CIT: variants seen among roughly 807,000 people sequenced by gnomAD.
CIT encodes citron Rho-interacting kinase.
CIT carries 79 observed loss-of-function variants against 272.7 expected under a neutral mutation model. That is an observed-to-expected ratio of 0.29 (90% CI 0.24 to 0.35). CIT has a LOEUF of 0.35. CIT is among the 10% of genes least tolerant of loss of function. The pLI is 1.00. For synonymous variants in CIT, 948 were observed against 995.6 expected (o/e 0.95, Z 0.90); for missense variants, 1,909 against 2,618.3 (o/e 0.73, Z 5.91).
At chr12:119,693,932 G>C (rs890099503) in intron 46 of CIT, among the ~76,000 whole-genome samples, 13 of 152,180 alleles carry the variant, frequency 8.5e-5, no homozygotes, top group Non-Finnish European at 1.9e-4. Context: ...TAGACATTAT[G>C]TCGGGCACAT....
chr12:119,788,487 A>G (rs1965005570), intron 10 of CIT, among the ~76,000 whole-genome samples: 1 of 152,202 alleles, frequency 6.6e-6, no homozygotes, highest in South Asian at 2.1e-4. Context: ...CACAGGTCAC[A>G]GCTCCTTGTG....
At chr12:119,829,251 T>A (rs1968411981) in intron 7 of CIT, among the ~76,000 whole-genome samples, 1 of 151,876 alleles carries the variant, frequency 6.6e-6, no homozygotes, top group South Asian at 2.1e-4. Context: ...GGCAGGAGAA[T>A]CTCTTGAACC....
At chr12:119,831,620 A>G (rs1387772784) in intron 7 of CIT, among the ~76,000 whole-genome samples, 1 of 152,250 alleles carries the variant, frequency 6.6e-6, no homozygotes, top group Non-Finnish European at 1.5e-5. Context: ...CTGTAATCCC[A>G]GCACTTTGGG....
chr12:119,750,748 TATAGATAGATAG>T (rs6144898), intron 23 of CIT, among the ~76,000 whole-genome samples: 7,823 of 147,934 alleles, frequency 0.053, 268 homozygotes, highest in Non-Finnish European at 0.069. Context: ...TATATATAGA[TATAGATAGATAG>T]ATAGATAGAT....
chr12:119,753,727 A>T (rs1960563115), intron 22 of CIT, among the ~76,000 whole-genome samples: 1 of 147,904 alleles, frequency 6.8e-6, no homozygotes, highest in Non-Finnish European at 1.5e-5. Context: ...ACAGAGCGAG[A>T]CTCTGCCTCA....
At chr12:119,841,710 A>G (rs1209794642) in intron 5 of CIT, among the ~76,000 whole-genome samples, 1 of 152,148 alleles carries the variant, frequency 6.6e-6, no homozygotes, top group African/African-American at 2.4e-5. Flanking sequence ...GAATTTGCTT[A>G]CTCTGAATTT....
intron 22 of CIT, among the ~76,000 whole-genome samples, chr12:119,755,516 C>G (rs915614658): frequency 6.6e-6 from 1 of 152,198 alleles, no homozygotes; most frequent in African/African-American, 2.4e-5. Flanking sequence ...ATTTGAGCAA[C>G]TATTTTACAT....
chr12:119,872,455 T>G lies in CIT; in HGVS notation c.97-3254A>C, dbSNP rs907702329. On this transcript the variant is annotated intron_variant, in intron 2 of 47. Coordinates refer to ENST00000392521, the MANE Select transcript of CIT (RefSeq NM_001206999.2). ...TCAACCTCATTCAAACAGCACTATA[T>G]GGGAAAAGAACAAACAGCATCCTTA... Among the ~76,000 whole-genome samples, 20 of 152,210 alleles carry G rather than the reference T, an allele frequency of 1.3e-4. No individual in the cohort carries two copies. The East Asian group carries it at 3.7e-3, about 28-fold the overall frequency.
Position 119,688,070 on chromosome 12 carries a change from C to T in CIT, c.*162G>A, listed in dbSNP as rs1184637528. 1.2e-5 allele frequency: 9 copies of T among 725,622 alleles called. No individual in the cohort carries two copies. Among genetic ancestry groups the T allele is most frequent in the Non-Finnish European group, 2.2e-5 (9 of 415,832 alleles). The allele number at this position is 725,622 out of a possible 1,614,324, so 44.9% of individuals were successfully genotyped here. A position where few individuals can be genotyped will look rare whatever the true frequency, so the allele number is the denominator to read the frequency against. ...CTCCGAAGAGCCTCAGCCACCTGCC[C>T]CTCCTGGAGACAGGGGTGTCCGTGC... On this transcript the variant is annotated 3_prime_UTR_variant, in exon 48 of 48. Transcript: ENST00000392521.
chr12:119,782,246 C>G (rs918480280), intron 13 of CIT: 7 of 239,408 alleles, frequency 2.9e-5, no homozygotes, highest in Non-Finnish European at 4.8e-5. Context: ...TGAAGTCTGC[C>G]CACTCTTGCT....
chr12:119,752,439 G>T (rs1171629993), intron 22 of CIT, among the ~76,000 whole-genome samples, 192 bp from the exon 23 acceptor site: 1 of 152,140 alleles, frequency 6.6e-6, no homozygotes, highest in Non-Finnish European at 1.5e-5. Flanking sequence ...AATTCAACAG[G>T]AGTAAGAACA....
intron 4 of CIT, among the ~76,000 whole-genome samples, chr12:119,854,027 A>AT (rs1432169581): frequency 4.6e-5 from 7 of 151,340 alleles, no homozygotes; most frequent in East Asian, 3.9e-4. Flanking sequence ...CCTCTACATA[A>AT]TTTATTTTTT....
intron 47 of CIT, among the ~76,000 whole-genome samples, chr12:119,689,193 A>G (rs1955777733): frequency 3.1e-5 from 2 of 65,490 alleles, no homozygotes; most frequent in African/African-American, 1.9e-4. Context: ...ACAAAACAAA[A>G]CAAACAAACA....
At chr12:119,702,598 A>G (rs969477119) in intron 41 of CIT, among the ~76,000 whole-genome samples, 10 of 152,156 alleles carry the variant, frequency 6.6e-5, no homozygotes, top group African/African-American at 2.2e-4. Flanking sequence ...GAGGCAGGAG[A>G]ATCGCTCAAA....
intron 16 of CIT, among the ~76,000 whole-genome samples, chr12:119,774,116 A>C (rs932847456): frequency 2.0e-5 from 3 of 152,222 alleles, no homozygotes; most frequent in Non-Finnish European, 4.4e-5. Flanking sequence ...TCATAGAAAC[A>C]GAAAGTAGAA....
intron 13 of CIT, among the ~76,000 whole-genome samples, chr12:119,780,499 C>T (rs1964189278): frequency 6.6e-6 from 1 of 152,048 alleles, no homozygotes; most frequent in African/African-American, 2.4e-5. Context: ...CACCTGTAGT[C>T]CCAGCTACTC....
intron 26 of CIT, among the ~76,000 whole-genome samples, chr12:119,733,013 C>A (rs543970117): frequency 1.3e-5 from 2 of 152,192 alleles, no homozygotes; most frequent in Non-Finnish European, 2.9e-5. Context: ...AAAGAAAACA[C>A]TTTTCTGCCA....
intron 24 of CIT, among the ~76,000 whole-genome samples, chr12:119,740,257 TAACCAAATGCATTC>T (rs1230813439): frequency 6.6e-6 from 1 of 152,216 alleles, no homozygotes; most frequent in Non-Finnish European, 1.5e-5. Context: ...CATGAGAAAG[TAACCAAATGCATTC>T]TACATACTAG....
At chr12:119,822,707 A>G in intron 9 of CIT, 113 bp downstream of exon 9, 1 of 1,108,196 alleles carries the variant, frequency 9.0e-7, no homozygotes, top group Non-Finnish European at 1.3e-6. Context: ...TAGATAATTA[A>G]AGCCTTTATT....
Sources: gnomAD v4.1 joint callset for allele counts (sites outside exome capture counted in the v4.1 genomes callset) on GRCh38, gnomAD v4.1.1 for gene constraint, MANE v1.5 for transcripts, NCBI Gene and HGNC (gene_info 2026-07-23, HGNC 2026-07-21) for gene names.